COLGALT2: variants seen among roughly 807,000 people sequenced by gnomAD.
COLGALT2 encodes collagen beta(1-O)galactosyltransferase 2.
In COLGALT2, 49 loss-of-function variants were observed where a neutral mutation model predicts 73.4. That is an observed-to-expected ratio of 0.67 (90% CI 0.53 to 0.85). The LOEUF (loss-of-function observed/expected upper bound fraction) is 0.85, where lower values mean the gene tolerates loss of function less well. Among genes scored for constraint, COLGALT2 ranks in the 40% least tolerant of loss-of-function variants. The probability of loss-of-function intolerance (pLI) is 0.00; values close to 1 mark genes in which losing one functional copy is unlikely to be tolerated. For synonymous variants in COLGALT2, 295 were observed against 307.6 expected (o/e 0.96, Z 0.43); for missense variants, 722 against 790.2 (o/e 0.91, Z 1.03).
Position 183,938,894 on chromosome 1 carries a change from A to G in COLGALT2, c.1748T>C (p.Val583Ala), listed in dbSNP as rs572239297. The G allele has an allele frequency of 6.2e-7, 1 of 1,614,078 alleles. No homozygotes were observed. Among genetic ancestry groups the G allele is most frequent in the East Asian group, 2.2e-5 (1 of 44,864 alleles). ...ATGTGTCCTATCCCAGTCGGTGGCC[A>G]CTGTCTCATTGTCCCAGATGGTGGA... is the stretch of plus-strand genomic sequence containing the variant. ...ETSTIWDNET[V>A]ATDWDRTHAW... The change falls in exon 12 of 12, where the codon GTG (valine) becomes GCG (alanine). Residue 583 changes from valine to alanine, a missense_variant. Val to Ala is a moderately conservative substitution (Grantham distance 64). Coordinates refer to ENST00000361927, the MANE Select transcript of COLGALT2 (RefSeq NM_015101.4).
chr1:184,015,318 T>A (rs1186943774), intron 1 of COLGALT2, among the ~76,000 whole-genome samples: 3 of 152,178 alleles, frequency 2.0e-5, no homozygotes, highest in Non-Finnish European at 4.4e-5. Context: ...TCTATCCTGT[T>A]GCTTTTAGGT....
intron 1 of COLGALT2, among the ~76,000 whole-genome samples, chr1:184,036,574 G>A (rs1455526233): frequency 6.6e-6 from 1 of 152,174 alleles, no homozygotes; most frequent in Non-Finnish European, 1.5e-5. Flanking sequence ...CCAGCCTGGA[G>A]CAGGAGCCCG....
chr1:183,932,860 G>T (rs748349777), downstream of COLGALT2, among the ~76,000 whole-genome samples: 53 of 152,128 alleles, frequency 3.5e-4, no homozygotes, highest in Non-Finnish European at 5.3e-4. Context: ...TCCTTGGGTG[G>T]ATTTTTCTCA....
At chr1:183,941,856 C>T (rs1411297650) in intron 10 of COLGALT2, among the ~76,000 whole-genome samples, 1 of 151,980 alleles carries the variant, frequency 6.6e-6, no homozygotes, top group Non-Finnish European at 1.5e-5. Flanking sequence ...AGTTAATGCT[C>T]TAACTTTAAT....
intron 1 of COLGALT2, among the ~76,000 whole-genome samples, chr1:184,022,518 C>A (rs1272308115): frequency 6.6e-6 from 1 of 152,082 alleles, no homozygotes; most frequent in East Asian, 1.9e-4. Context: ...TAAATTCACT[C>A]CAAAAAATCA....
intron 2 of COLGALT2, 145 bp downstream of exon 2, chr1:183,978,265 A>G: frequency 1.9e-6 from 1 of 515,590 alleles, no homozygotes; most frequent in South Asian, 3.3e-5. Context: ...TAAAAGGGAG[A>G]AATGGCAGAT....
intron 1 of COLGALT2, among the ~76,000 whole-genome samples, chr1:183,985,485 T>G (rs1671463184): frequency 6.6e-6 from 1 of 152,142 alleles, no homozygotes; most frequent in Non-Finnish European, 1.5e-5. Context: ...TTTGTCAGGC[T>G]GGTTTCGAAC....
At chr1:183,991,988 A>C (rs143083810) in intron 1 of COLGALT2, among the ~76,000 whole-genome samples, 6 of 152,056 alleles carry the variant, frequency 3.9e-5, no homozygotes, top group Admixed American at 3.9e-4. Context: ...GCATAAATAC[A>C]CAGCATATAG....
chr1:183,932,134 G>C (rs1669861268), downstream of COLGALT2, among the ~76,000 whole-genome samples: 1 of 152,158 alleles, frequency 6.6e-6, no homozygotes, highest in African/African-American at 2.4e-5. Flanking sequence ...GCAAGAGTGA[G>C]AGATTAAAAC....
At chr1:183,971,367 T>A (rs1237618119) in intron 4 of COLGALT2, among the ~76,000 whole-genome samples, 2 of 152,180 alleles carry the variant, frequency 1.3e-5, no homozygotes, top group Non-Finnish European at 2.9e-5. Context: ...AGAATTTAGT[T>A]TTACTGTACA....
At chr1:183,953,380 G>C (rs974670572) in intron 7 of COLGALT2, among the ~76,000 whole-genome samples, 5 of 152,182 alleles carry the variant, frequency 3.3e-5, no homozygotes, top group Admixed American at 6.5e-5. Flanking sequence ...TTCTCCTGAA[G>C]GGCTCTAGGA....
intron 1 of COLGALT2, among the ~76,000 whole-genome samples, chr1:184,000,825 A>ATTTTTT (rs149091262): frequency 2.6e-5 from 3 of 113,234 alleles, no homozygotes; most frequent in Non-Finnish European, 5.5e-5. Flanking sequence ...TCAGCCCCCC[A>ATTTTTT]TTTTTTTTTT....
At chr1:183,981,718 AG>A in intron 1 of COLGALT2, among the ~76,000 whole-genome samples, 1 of 152,306 alleles carries the variant, frequency 6.6e-6, no homozygotes, top group East Asian at 1.9e-4. Context: ...GAAACATTAT[AG>A]TTTTTAATTG....
intron 1 of COLGALT2, among the ~76,000 whole-genome samples, chr1:183,996,510 CT>C (rs1671773501): frequency 6.6e-6 from 1 of 152,156 alleles, no homozygotes; most frequent in Non-Finnish European, 1.5e-5. Context: ...GACTCTGGAG[CT>C]CTGAAAAGGG....
intron 1 of COLGALT2, among the ~76,000 whole-genome samples, chr1:184,001,558 A>AT (rs1310939686): frequency 6.6e-6 from 1 of 152,056 alleles, no homozygotes; most frequent in Non-Finnish European, 1.5e-5. Flanking sequence ...ATGCAGTATA[A>AT]TTTTTTAACT....
intron 1 of COLGALT2, among the ~76,000 whole-genome samples, chr1:183,983,567 G>A (rs1001359694): frequency 7.2e-5 from 11 of 152,186 alleles, no homozygotes; most frequent in African/African-American, 2.4e-4. Flanking sequence ...TGGTGCTAAC[G>A]GTTCTATTTT....
At position 183,978,401 on chromosome 1, in the gene COLGALT2, G is replaced by GCTA; in HGVS notation, c.374+6_374+8dup. 1 of 1,521,936 alleles carries GCTA rather than the reference G, an allele frequency of 6.6e-7. No homozygotes were observed. Among genetic ancestry groups the GCTA allele is most frequent in the African/African-American group, 1.4e-5 (1 of 72,866 alleles). 94.3% of individuals were successfully genotyped at this position (1,521,936 alleles called of 1,614,324 possible). On this transcript the variant is annotated intron_variant, in intron 2 of 11. Coordinates refer to ENST00000361927, the MANE Select transcript of COLGALT2 (RefSeq NM_015101.4). The stretch of plus-strand genomic sequence containing the variant: ...TAATGAGTTTACAAATTTCGCACTT[G>GCTA]CTACTCACTCTGGTTCATCCATAGG...
At chr1:184,018,851 A>G (rs16822333) in intron 1 of COLGALT2, among the ~76,000 whole-genome samples, 6,692 of 152,248 alleles carry the variant, frequency 0.044, 462 homozygotes, top group African/African-American at 0.15. Flanking sequence ...ATTTCCTGCC[A>G]GTAGCAAGCA....
chr1:183,961,179 C>T (rs928583969), intron 6 of COLGALT2, among the ~76,000 whole-genome samples: 3 of 152,032 alleles, frequency 2.0e-5, no homozygotes, highest in Non-Finnish European at 4.4e-5. Context: ...AAATAAAATG[C>T]GATATGTAAA....
Sources: gnomAD v4.1 joint callset for allele counts (sites outside exome capture counted in the v4.1 genomes callset) on GRCh38, gnomAD v4.1.1 for gene constraint, MANE v1.5 for transcripts, NCBI Gene and HGNC (gene_info 2026-07-23, HGNC 2026-07-21) for gene names.